CAPN5: variants seen among roughly 807,000 people sequenced by gnomAD.
CAPN5 encodes calpain-5.
A neutral mutation model predicts 73.0 loss-of-function variants in CAPN5; 54 were observed. The ratio of observed to expected loss-of-function variants is 0.74; its 90% CI spans 0.59 to 0.93. The LOEUF (loss-of-function observed/expected upper bound fraction) is 0.93. Ranked by LOEUF, CAPN5 falls within the 40% of genes least tolerant of loss-of-function variation. The pLI, the probability that CAPN5 is intolerant of heterozygous loss-of-function variation, is 0.00. For missense variants in CAPN5, 785 were observed against 882.9 expected (o/e 0.89, Z 1.41); for synonymous variants, 335 against 356.9 (o/e 0.94, Z 0.69).
chr11:77,097,472 T>TTTTG lies in CAPN5; in HGVS notation c.297+3662_297+3663insGTTT, dbSNP rs1565266473. Among the ~76,000 whole-genome samples the TTTTG allele has an allele frequency of 3.2e-3, 444 of 138,260 alleles. 4 individuals carry two copies. Among genetic ancestry groups the TTTTG allele is most frequent in the African/African-American group, 0.013 (431 of 33,948 alleles). The allele number at this position is 138,260 out of a possible 152,430, so 90.7% of individuals were successfully genotyped here. ...TCCTGTGTTTCCTTCTAGTTTTTTTTTTTTTTTTTTTTTTTTTATTGATAA... is the reference window on the plus strand; with the variant it reads ...TCCTGTGTTTCCTTCTAGTTTTTTTTTTTGTTTTTTTTTTTTTTTTTATTGATAA... On this transcript the variant is annotated intron_variant, in intron 3 of 12. Coordinates refer to ENST00000648180, the MANE Select transcript of CAPN5 (RefSeq NM_004055.5).
chr11:77,085,137 G>C, intron 2 of CAPN5, 86 bp downstream of exon 2: 2 of 1,208,606 alleles, frequency 1.7e-6, no homozygotes, highest in Admixed American at 1.8e-5. Flanking sequence ...GGGGTGGTGG[G>C]AGGAGGCATC....
Position 77,084,962 on chromosome 11 carries a change from C to G in CAPN5, c.76C>G (p.Leu26Val). The change falls in exon 2 of 13, where the codon CTC (leucine) becomes GTC (valine). Residue 26 changes from leucine (L) to valine (V), a missense_variant. Coordinates refer to ENST00000648180, the MANE Select transcript of CAPN5 (RefSeq NM_004055.5). ...GCGGGACTGCCGGCGCAGGAAGGTG[C>G]TCTTCGAGGACCCCCTCTTCCCCGC... Reference protein sequence around the residue: ...LRRDCRRRKVLFEDPLFPATD... With the variant: ...LRRDCRRRKVVFEDPLFPATD... The G allele has an allele frequency of 2.5e-6, 4 of 1,613,664 alleles. No homozygotes were observed. The highest frequency in any genetic ancestry group is 3.4e-6 in the Non-Finnish European group (4 of 1,180,018).
At position 77,122,687 on chromosome 11, in the gene CAPN5, AG is replaced by A; in HGVS notation, c.1716del (p.Lys572AsnfsTer2). Reference sequence around the variant, plus strand: ...GTGAAAGGCATCTTCTACCGCAAGAAGCTGAGCCAGCCCATCACTGTACAGG... The same window carrying A: ...GTGAAAGGCATCTTCTACCGCAAGAACTGAGCCAGCCCATCACTGTACAGG... Reference protein sequence around the residue: ...YNVKGIFYRKKLSQPITVQVW... With the variant: ...YNVKGIFYRKXLSQPITVQVW... On this transcript the variant is annotated frameshift_variant, in exon 12 of 13. Transcript: ENST00000648180. LOFTEE classifies it high-confidence loss of function. The A allele has an allele frequency of 6.2e-7, 1 of 1,613,744 alleles. No homozygotes were observed. Among genetic ancestry groups the A allele is most frequent in the Non-Finnish European group, 8.5e-7 (1 of 1,179,964 alleles).
chr11:77,105,354 C>G (rs1174002870), intron 3 of CAPN5, among the ~76,000 whole-genome samples: 4 of 152,220 alleles, frequency 2.6e-5, no homozygotes, highest in African/African-American at 9.6e-5. Context: ...GGGGCTTCAC[C>G]GAATCTCCTG....
Position 77,114,447 on chromosome 11 carries a change from C to T in CAPN5, c.699+13C>T. On this transcript the variant is annotated intron_variant, in intron 5 of 12. Coordinates refer to ENST00000648180, the MANE Select transcript of CAPN5 (RefSeq NM_004055.5). ...TGCCTCCATCAAGGTGAGAACACGG[C>T]AGTCCCCAGAGGCGACCCCTCCCCT... 1 of 1,612,198 alleles carries T rather than the reference C, an allele frequency of 6.2e-7. No individual in the cohort carries two copies. The highest frequency in any genetic ancestry group is 8.5e-7 in the Non-Finnish European group (1 of 1,178,428).
chr11:77,105,515 C>T (rs576545231), intron 3 of CAPN5, among the ~76,000 whole-genome samples: 39 of 152,310 alleles, frequency 2.6e-4, no homozygotes, highest in Non-Finnish European at 2.8e-4. Flanking sequence ...GGTGCAATCT[C>T]GAGTCTCCCT....
chr11:77,095,030 G>A (rs1355651022), intron 3 of CAPN5, among the ~76,000 whole-genome samples: 13 of 152,178 alleles, frequency 8.5e-5, no homozygotes, highest in African/African-American at 3.1e-4. Context: ...ACTCCAGGGT[G>A]GGCATCCCTG....
At chr11:77,120,496 C>A in intron 9 of CAPN5, 4 of 464,326 alleles carry the variant, frequency 8.6e-6, no homozygotes, top group East Asian at 6.5e-5. Flanking sequence ...CAAAAGAAAC[C>A]CACTCCCTTT....
rs1555043419 is a variant in CAPN5 at position 77,124,128 on chromosome 11, G to GGT, written c.*259_*260insTG. On this transcript the variant is annotated 3_prime_UTR_variant, in exon 13 of 13. Coordinates refer to ENST00000648180, the MANE Select transcript of CAPN5 (RefSeq NM_004055.5). ...CACCTCAACTGTCACCACTGCTAAGGGACTCTATCCATTGAGCACATTTTC... is the reference window on the plus strand; with the variant it reads ...CACCTCAACTGTCACCACTGCTAAGGGTGACTCTATCCATTGAGCACATTTTC... The GGT allele has an allele frequency of 1.9e-6, 1 of 514,918 alleles. No homozygotes were observed. The highest frequency in any genetic ancestry group is 3.3e-5 in the East Asian group (1 of 30,748). The allele number at this position is 514,918 out of a possible 1,614,324, so 31.9% of individuals were successfully genotyped here. A position where few individuals can be genotyped will look rare whatever the true frequency, so the allele number is the denominator to read the frequency against.
At chr11:77,099,599 A>G (rs1950261632) in intron 3 of CAPN5, among the ~76,000 whole-genome samples, 1 of 151,550 alleles carries the variant, frequency 6.6e-6, no homozygotes, top group African/African-American at 2.4e-5. Context: ...CGTGCCTGCA[A>G]TCGCAGGCAC....
At chr11:77,114,476 C>G (rs112770387) in intron 5 of CAPN5, 42 bp downstream of exon 5, 1 of 1,551,522 alleles carries the variant, frequency 6.4e-7, no homozygotes, top group South Asian at 1.1e-5. Flanking sequence ...CTCCCCTTCA[C>G]CCTCGCTGAC....
intron 1 of CAPN5, among the ~76,000 whole-genome samples, chr11:77,076,076 T>C (rs532593412): frequency 6.6e-6 from 1 of 152,184 alleles, no homozygotes; most frequent in Non-Finnish European, 1.5e-5. Context: ...CAAAATCTAC[T>C]CTCGGCCGGG....
At position 77,121,959 on chromosome 11, in the gene CAPN5, C is replaced by T. The variant is rs1555042875; in HGVS notation, c.1513C>T (p.His505Tyr). 1.9e-6 allele frequency: 3 copies of T among 1,556,838 alleles called. No individual in the cohort carries two copies. The highest frequency in any genetic ancestry group is 2.4e-5 in the East Asian group (1 of 41,150). Residue 505 changes from histidine (H) to tyrosine (Y), a missense_variant, in exon 11 of 13, where the codon CAC becomes TAC. Coordinates refer to ENST00000648180, the MANE Select transcript of CAPN5 (RefSeq NM_004055.5). ...GGAGCTGCGCCTGGATGAGCCCCCA[C>T]ACACCTGCTGGAGCTCCCTCTGTGG... ...CRELRLDEPP[H>Y]TCWSSLCGYP...
At chr11:77,093,384 G>C (rs555588520) in intron 2 of CAPN5, among the ~76,000 whole-genome samples, 99 of 152,310 alleles carry the variant, frequency 6.5e-4, no homozygotes, top group Non-Finnish European at 1.1e-3. Context: ...GCAGTGCCCC[G>C]GGTCCAGCGC....
chr11:77,078,868 CTT>C (rs1444398389), intron 1 of CAPN5, among the ~76,000 whole-genome samples: 1 of 151,880 alleles, frequency 6.6e-6, no homozygotes, highest in Non-Finnish European at 1.5e-5. Flanking sequence ...TTTCTTGACT[CTT>C]TTGAGTAGTG....
chr11:77,113,941 AT>A (rs2135476800), intron 4 of CAPN5, among the ~76,000 whole-genome samples: 1 of 151,532 alleles, frequency 6.6e-6, no homozygotes, highest in Admixed American at 6.6e-5. Flanking sequence ...GTCTATACCC[AT>A]CCGACAGTAA....
intron 2 of CAPN5, among the ~76,000 whole-genome samples, chr11:77,090,003 C>A (rs1950132357): frequency 7.0e-6 from 1 of 143,364 alleles, no homozygotes; most frequent in African/African-American, 3.0e-5. Context: ...CTTAACCTTT[C>A]TGTGCCTTGG....
chr11:77,119,140 T>C lies in CAPN5; in HGVS notation c.1278T>C (p.Phe426=). Residue 426 remains phenylalanine (F), a synonymous_variant, in exon 9 of 13, where the codon TTT becomes TTC. Transcript: ENST00000648180. ...EGKGENLAIG[F]DIYKVEENRQ... is the part of the protein sequence containing the mutation. ...AGGGTGAGAACCTGGCCATTGGCTT[T>C]GACATCTACAAGGTGAGGCCAGCCG... 6.2e-7 allele frequency: 1 copy of C among 1,612,142 alleles called. No individual in the cohort carries two copies. Among genetic ancestry groups the C allele is most frequent in the Non-Finnish European group, 8.5e-7 (1 of 1,179,290 alleles).
In CAPN5 at chr11:77,124,714, G is replaced by A. The variant is rs1205615531; in HGVS notation, c.*844G>A. 6.6e-6 allele frequency: 1 copy of A among 152,354 alleles called. No homozygotes were observed. The highest frequency in any genetic ancestry group is 2.4e-5 in the African/African-American group (1 of 41,472). The allele number at this position is 152,354 out of a possible 1,614,324, so 9.4% of individuals were successfully genotyped here. A position where few individuals can be genotyped will look rare whatever the true frequency, so the allele number is the denominator to read the frequency against. ...CCTGGGTTAGTGGGCCAGGGGCCAG[G>A]CAGCTGGGGGCCTTTGGGGACCAGA... On this transcript the variant is annotated 3_prime_UTR_variant, in exon 13 of 13. Coordinates refer to ENST00000648180, the MANE Select transcript of CAPN5 (RefSeq NM_004055.5).
Sources: gnomAD v4.1 joint callset for allele counts (sites outside exome capture counted in the v4.1 genomes callset) on GRCh38, gnomAD v4.1.1 for gene constraint, MANE v1.5 for transcripts, NCBI Gene and HGNC (gene_info 2026-07-23, HGNC 2026-07-21) for gene names.